Variants in FEZ2 observed in about 807,000 individuals in gnomAD.
The protein encoded by FEZ2 is fasciculation and elongation protein zeta 2, also known as fasciculation and elongation protein zeta-2.
A neutral mutation model predicts 40.4 loss-of-function variants in FEZ2; 51 were observed. The observed-to-expected ratio is 1.26, with a 90% confidence interval of 1.01 to 1.59. FEZ2 has a LOEUF of 1.59. FEZ2 is among the 40% of genes most tolerant of loss of function. The pLI, the probability that FEZ2 is intolerant of heterozygous loss-of-function variation, is 0.00. For missense variants in FEZ2, 640 were observed against 438.3 expected (o/e 1.46, Z -4.11); for synonymous variants, 242 against 172.0 (o/e 1.41, Z -3.18).
At chr2:36,578,495 C>T (rs1668638771) in intron 5 of FEZ2, 102 bp downstream of exon 5, 2 of 1,183,468 alleles carry the variant, frequency 1.7e-6, no homozygotes, top group Non-Finnish European at 2.4e-6. Flanking sequence ...GTTAACACTC[C>T]TGCCCATGTA....
chr2:36,578,672 T>C lies in FEZ2; in HGVS notation c.828A>G (p.Thr276=). Residue 276 remains threonine (T), a synonymous_variant, in exon 5 of 8, where the codon ACA becomes ACG. Coordinates refer to ENST00000405912, the MANE Select transcript of FEZ2 (RefSeq NM_005102.3). The stretch of plus-strand genomic sequence containing the variant: ...TTTTTAGTTTCTTTTTCTTTTTTGC[T>C]GTTTCTTTGTGCTCTTTCTGTTTGT... The part of the protein sequence containing the change: ...VQNKQKEHKE[T]AKKKKKLKNG... 1 of 1,613,840 alleles carries C rather than the reference T, an allele frequency of 6.2e-7. No homozygotes were observed. The highest frequency in any genetic ancestry group is 8.5e-7 in the Non-Finnish European group (1 of 1,179,838).
At chr2:36,566,962 T>A (rs1323886138) in intron 5 of FEZ2, among the ~76,000 whole-genome samples, 1 of 152,098 alleles carries the variant, frequency 6.6e-6, no homozygotes, top group Non-Finnish European at 1.5e-5. Context: ...ACACACTCTC[T>A]CTCTCTCTCT....
intron 5 of FEZ2, 79 bp downstream of exon 5, chr2:36,578,518 C>T (rs1668639549): frequency 1.4e-6 from 2 of 1,473,454 alleles, no homozygotes; most frequent in South Asian, 2.7e-5. Context: ...ACCTGTCGCA[C>T]CTGCCACCAG....
intron 5 of FEZ2, among the ~76,000 whole-genome samples, chr2:36,560,209 A>C (rs924074960): frequency 6.6e-6 from 1 of 152,246 alleles, no homozygotes; most frequent in African/African-American, 2.4e-5. Flanking sequence ...ATACTTGATT[A>C]TATATTCATA....
At chr2:36,585,037 T>C (rs1668862752) in intron 2 of FEZ2, among the ~76,000 whole-genome samples, 1 of 152,096 alleles carries the variant, frequency 6.6e-6, no homozygotes, top group African/African-American at 2.4e-5. Flanking sequence ...GGCCATGACC[T>C]TCAACACAGC....
chr2:36,579,251 G>T (rs1380783446), intron 4 of FEZ2, among the ~76,000 whole-genome samples: 1 of 152,214 alleles, frequency 6.6e-6, no homozygotes, highest in Non-Finnish European at 1.5e-5. Context: ...AAAACTGCAA[G>T]CCGTTCAGCA....
intron 5 of FEZ2, among the ~76,000 whole-genome samples, chr2:36,559,481 G>T (rs968164449): frequency 6.6e-6 from 1 of 152,182 alleles, no homozygotes; most frequent in Non-Finnish European, 1.5e-5. Flanking sequence ...TGAAAAACAG[G>T]ATAAAGAAAG....
At chr2:36,575,640 T>A (rs1438598110) in intron 5 of FEZ2, among the ~76,000 whole-genome samples, 1 of 152,224 alleles carries the variant, frequency 6.6e-6, no homozygotes, top group African/African-American at 2.4e-5. Flanking sequence ...AGATAATACT[T>A]TCTGTAACAT....
At chr2:36,574,960 C>G (rs1052813756) in intron 5 of FEZ2, among the ~76,000 whole-genome samples, 1 of 152,184 alleles carries the variant, frequency 6.6e-6, no homozygotes, top group East Asian at 1.9e-4. Flanking sequence ...ACTAGGCAGG[C>G]TCCCTTGTCA....
chr2:36,583,567 A>G, intron 2 of FEZ2, 98 bp from the exon 3 acceptor site: 1 of 685,270 alleles, frequency 1.5e-6, no homozygotes, highest in Middle Eastern at 4.0e-4. Flanking sequence ...AGCAACTACT[A>G]AGAGCCTTCC....
intron 6 of FEZ2, 44 bp downstream of exon 6, chr2:36,558,394 A>G: frequency 8.0e-7 from 1 of 1,254,786 alleles, no homozygotes; most frequent in South Asian, 1.5e-5. Context: ...TTTACCAATC[A>G]GCAAAAGGAA....
intron 5 of FEZ2, among the ~76,000 whole-genome samples, chr2:36,574,972 TGAG>T (rs1392040054): frequency 1.3e-5 from 2 of 152,178 alleles, no homozygotes; most frequent in Non-Finnish European, 2.9e-5. Context: ...CCCTTGTCAA[TGAG>T]GAGAAGCAGT....
intron 5 of FEZ2, among the ~76,000 whole-genome samples, chr2:36,571,006 C>G (rs1166255231): frequency 6.6e-6 from 1 of 152,112 alleles, no homozygotes; most frequent in Non-Finnish European, 1.5e-5. Flanking sequence ...CTGATTTTTA[C>G]TACATTAACT....
Position 36,562,721 on chromosome 2 carries a change from C to T in FEZ2, c.904-4208G>A, listed in dbSNP as rs115063588. Among the ~76,000 whole-genome samples the T allele has an allele frequency of 9.2e-3, 1,406 of 152,210 alleles. 13 individuals carry two copies. Among genetic ancestry groups the T allele is most frequent in the African/African-American group, 0.032 (1,349 of 41,520 alleles). ...TCATAATTCATTCATATTTTTTAAG[C>T]AGATTATCAAATGAGATAACATCTT... is the stretch of plus-strand genomic sequence containing the variant. On this transcript the variant is annotated intron_variant, in intron 5 of 7. Coordinates refer to ENST00000405912, the MANE Select transcript of FEZ2 (RefSeq NM_005102.3).
chr2:36,568,007 GTTAAATATACTT>G (rs1380890012), intron 5 of FEZ2, among the ~76,000 whole-genome samples: 2 of 152,164 alleles, frequency 1.3e-5, no homozygotes, highest in Non-Finnish European at 2.9e-5. Flanking sequence ...TCAGAGGCAG[GTTAAATATACTT>G]TTTAGTAAAC....
At chr2:36,593,060 T>G (rs1669115261) in intron 1 of FEZ2, among the ~76,000 whole-genome samples, 1 of 152,142 alleles carries the variant, frequency 6.6e-6, no homozygotes, top group Non-Finnish European at 1.5e-5. Context: ...GCTCATACCT[T>G]CCTGGATAAG....
Position 36,566,277 on chromosome 2 carries a change from T to C in FEZ2, c.904-7764A>G, listed in dbSNP as rs1434007402. 7.2e-5 allele frequency among the ~76,000 whole-genome samples: 11 copies of C among 151,880 alleles called. No homozygotes were observed. In the East Asian group the frequency reaches 1.8e-3, roughly 24 times the overall value. On this transcript the variant is annotated intron_variant, in intron 5 of 7. Transcript: ENST00000405912. ...ATGGCGTGAATCCGGGAGGCGGAGC[T>C]TGCAGTGAGCCGAGATCGCGCCACT...
intron 1 of FEZ2, among the ~76,000 whole-genome samples, chr2:36,593,350 T>G (rs180962810): frequency 6.6e-6 from 1 of 152,170 alleles, no homozygotes; most frequent in African/African-American, 2.4e-5. Context: ...GTGTGGGGGC[T>G]CCAACCCCAC....
intron 6 of FEZ2, chr2:36,557,390 A>G (rs1667985267): frequency 6.6e-6 from 1 of 152,320 alleles, no homozygotes; most frequent in South Asian, 2.1e-4. Flanking sequence ...ATTATTCACC[A>G]AAGGAAAGAA....
Sources: gnomAD v4.1 joint callset for allele counts (sites outside exome capture counted in the v4.1 genomes callset) on GRCh38, gnomAD v4.1.1 for gene constraint, MANE v1.5 for transcripts, NCBI Gene and HGNC (gene_info 2026-07-23, HGNC 2026-07-21) for gene names.